The following PARM1 variants were observed in gnomAD, a reference collection of about 807,000 sequenced individuals.
The protein encoded by PARM1 is WSC4, cell wall integrity and stress response component 4 homolog.
Under a neutral mutation model 24.6 loss-of-function variants are expected in PARM1, and 14 were observed. The observed-to-expected ratio is 0.57, with a 90% CI of 0.38 to 0.89. The LOEUF (loss-of-function observed/expected upper bound fraction) is 0.89. Among genes scored for constraint, PARM1 ranks in the 40% least tolerant of loss-of-function variants. The pLI, the probability that PARM1 is intolerant of heterozygous loss-of-function variation, is 0.00. For synonymous variants in PARM1, 179 were observed against 156.6 expected (o/e 1.14, Z -1.07); for missense variants, 362 against 380.4 (o/e 0.95, Z 0.40).
intron 2 of PARM1, among the ~76,000 whole-genome samples, chr4:75,020,399 C>A (rs1723068723): frequency 6.6e-6 from 1 of 152,100 alleles, no homozygotes; most frequent in South Asian, 2.1e-4. Context: ...TGATTTTGAA[C>A]TCTTGGTAGC....
At chr4:74,953,272 C>T (rs894898232) in intron 1 of PARM1, among the ~76,000 whole-genome samples, 1 of 152,100 alleles carries the variant, frequency 6.6e-6, no homozygotes, top group Non-Finnish European at 1.5e-5. Flanking sequence ...AATAGTTCTG[C>T]TTATGCAGGT....
intron 3 of PARM1, among the ~76,000 whole-genome samples, chr4:75,041,118 T>C (rs1486433670): frequency 6.6e-6 from 1 of 152,126 alleles, no homozygotes; most frequent in East Asian, 1.9e-4. Context: ...AGGACAGGGA[T>C]TTTGATCTGT....
chr4:74,984,099 G>A (rs115346541), intron 1 of PARM1, among the ~76,000 whole-genome samples: 2 of 152,244 alleles, frequency 1.3e-5, no homozygotes, highest in African/African-American at 2.4e-5. Context: ...GAGGGTGTCT[G>A]GACCATTCAG....
At chr4:74,966,052 A>C (rs984211153) in intron 1 of PARM1, among the ~76,000 whole-genome samples, 2 of 152,322 alleles carry the variant, frequency 1.3e-5, no homozygotes, top group Admixed American at 1.3e-4. Context: ...AGCACATAGC[A>C]ACTTTTCTAT....
intron 1 of PARM1, among the ~76,000 whole-genome samples, chr4:74,985,425 T>C (rs1722332569): frequency 1.3e-5 from 2 of 152,214 alleles, no homozygotes. Flanking sequence ...CATGGAAGAC[T>C]GCCTTTCCCA....
Position 74,979,994 on chromosome 4 carries a change from A to G in PARM1, c.44-32431A>G, listed in dbSNP as rs552510614. ...AAAATAATAAGAGCCATTTATGACA[A>G]ACCCACAACCAATATCATACTAAAT... On this transcript the variant is annotated intron_variant, in intron 1 of 3. Coordinates refer to ENST00000307428, the MANE Select transcript of PARM1 (RefSeq NM_015393.4). Among the ~76,000 whole-genome samples, 127 of 152,348 alleles carry G rather than the reference A, an allele frequency of 8.3e-4. 1 individual carries two copies.
intron 1 of PARM1, among the ~76,000 whole-genome samples, chr4:74,962,197 G>A (rs1047465014): frequency 6.6e-6 from 1 of 152,140 alleles, no homozygotes; most frequent in Non-Finnish European, 1.5e-5. Flanking sequence ...CAGAGTTTTT[G>A]TATGTTATTG....
chr4:74,996,256 G>T (rs1722574739), intron 1 of PARM1, among the ~76,000 whole-genome samples: 1 of 152,088 alleles, frequency 6.6e-6, no homozygotes, highest in South Asian at 2.1e-4. Context: ...TCACTCCACT[G>T]AATATTGGTG....
Position 74,989,670 on chromosome 4 carries a change from G to A in PARM1, c.44-22755G>A, listed in dbSNP as rs181304994. On this transcript the variant is annotated intron_variant, in intron 1 of 3. Transcript: ENST00000307428. ...TCCACCTCCAGCCCTTCTACCCTCT[G>A]TAGAAGTTTTAGAGTAGGGCTGAAA... Among the ~76,000 whole-genome samples, 218 of 152,260 alleles carry A rather than the reference G, an allele frequency of 1.4e-3. 1 individual carries two copies. Among genetic ancestry groups the A allele is most frequent in the Non-Finnish European group, 1.0e-3 (70 of 68,010 alleles).
At chr4:75,002,087 G>T (rs78107236) in intron 1 of PARM1, among the ~76,000 whole-genome samples, 1,530 of 152,310 alleles carry the variant, frequency 0.01, 32 homozygotes, top group African/African-American at 0.035. Context: ...CACTTAAAGG[G>T]CTCCAGCTCT....
chr4:75,026,058 A>G (rs746333033), intron 2 of PARM1, among the ~76,000 whole-genome samples: 3 of 152,250 alleles, frequency 2.0e-5, no homozygotes, highest in African/African-American at 7.2e-5. Flanking sequence ...GAAAAGGACT[A>G]ATTTACTAAT....
At chr4:75,038,062 A>C (rs1160661586) in intron 3 of PARM1, among the ~76,000 whole-genome samples, 1 of 152,092 alleles carries the variant, frequency 6.6e-6, no homozygotes, top group Non-Finnish European at 1.5e-5. Flanking sequence ...GACTACAGGC[A>C]CACACCACCA....
chr4:75,014,816 G>T (rs553495062), intron 2 of PARM1, among the ~76,000 whole-genome samples: 12 of 152,178 alleles, frequency 7.9e-5, no homozygotes, highest in Middle Eastern at 3.4e-3. Flanking sequence ...TATACCTCCA[G>T]GCCAGCACTT....
intron 1 of PARM1, among the ~76,000 whole-genome samples, chr4:74,986,002 C>G (rs1040634842): frequency 6.6e-6 from 1 of 152,134 alleles, no homozygotes; most frequent in Non-Finnish European, 1.5e-5. Flanking sequence ...CTCCTGACCT[C>G]GTGATCCACC....
intron 1 of PARM1, among the ~76,000 whole-genome samples, chr4:74,941,982 G>T (rs1721318804): frequency 6.6e-6 from 1 of 152,160 alleles, no homozygotes; most frequent in Non-Finnish European, 1.5e-5. Flanking sequence ...GCTAACAGAG[G>T]CTTTAGAGTA....
At chr4:74,973,083 C>T (rs1722069217) in intron 1 of PARM1, among the ~76,000 whole-genome samples, 1 of 152,124 alleles carries the variant, frequency 6.6e-6, no homozygotes, top group South Asian at 2.1e-4. Context: ...AATGGATTTT[C>T]TAAAACCCCA....
intron 1 of PARM1, among the ~76,000 whole-genome samples, chr4:74,944,154 C>G (rs1400459432): frequency 6.6e-6 from 1 of 152,136 alleles, no homozygotes; most frequent in South Asian, 2.1e-4. Flanking sequence ...AACAAATACT[C>G]ATGGTGCACA....
chr4:75,038,140 C>T (rs1723408964), intron 3 of PARM1, among the ~76,000 whole-genome samples: 1 of 152,180 alleles, frequency 6.6e-6, no homozygotes, highest in South Asian at 2.1e-4. Flanking sequence ...TGGTCTCGCT[C>T]TTCTGACCTG....
chr4:74,982,041 A>G (rs1452587041), intron 1 of PARM1, among the ~76,000 whole-genome samples: 3 of 152,304 alleles, frequency 2.0e-5, no homozygotes, highest in Middle Eastern at 6.8e-3. Flanking sequence ...CATGGCATCA[A>G]CCCAAATGCC....
Sources: gnomAD v4.1 joint callset for allele counts (sites outside exome capture counted in the v4.1 genomes callset) on GRCh38, gnomAD v4.1.1 for gene constraint, MANE v1.5 for transcripts, NCBI Gene and HGNC (gene_info 2026-07-23, HGNC 2026-07-21) for gene names.